ITPR3: variants seen among roughly 807,000 people sequenced by gnomAD.
ITPR3 encodes inositol 1,4,5-trisphosphate receptor type 3, also known as inositol 1,4,5-trisphosphate-gated calcium channel ITPR3.
A neutral mutation model predicts 293.2 loss-of-function variants in ITPR3; 173 were observed. The ratio of observed to expected loss-of-function variants is 0.59; its 90% CI spans 0.52 to 0.67. ITPR3 has a LOEUF of 0.67. ITPR3 is among the 30% of genes least tolerant of loss of function. The probability of loss-of-function intolerance (pLI) is 0.00; values close to 1 mark genes in which losing one functional copy is unlikely to be tolerated. For missense variants in ITPR3, 2,796 were observed against 3,592.1 expected (o/e 0.78, Z 5.66); for synonymous variants, 1,295 against 1,444.4 (o/e 0.90, Z 2.35).
In ITPR3 at chr6:33,676,103, T is replaced by C. The variant is rs562592864; in HGVS notation, c.3282+247T>C. On this transcript the variant is annotated intron_variant, in intron 25 of 57. Coordinates refer to ENST00000605930, the MANE Select transcript of ITPR3 (RefSeq NM_002224.4). ...TTATATGCACCTATGCTAAATGCTT[T>C]GAATCATGCCTAGCATGCAGACAAC... Among the ~76,000 whole-genome samples, 10 of 152,394 alleles carry C rather than the reference T, an allele frequency of 6.6e-5. No individual in the cohort carries two copies. In the South Asian group the frequency reaches 2.1e-3, roughly 32 times the overall value.
intron 1 of ITPR3, among the ~76,000 whole-genome samples, chr6:33,622,198 G>A (rs1763454194): frequency 6.6e-6 from 1 of 152,116 alleles, no homozygotes; most frequent in Admixed American, 6.5e-5. Context: ...GCTTCAGTAG[G>A]AGTGTCTTCT....
Position 33,675,911 on chromosome 6 carries a change from G to T in ITPR3, c.3282+55G>T. 6.8e-7 allele frequency: 1 copy of T among 1,479,222 alleles called. No individual in the cohort carries two copies. The allele number at this position is 1,479,222 out of a possible 1,614,324, so 91.6% of individuals were successfully genotyped here. On this transcript the variant is annotated intron_variant, in intron 25 of 57. Coordinates refer to ENST00000605930, the MANE Select transcript of ITPR3 (RefSeq NM_002224.4). This position sits in a 1 kb window ranked among gnomAD's most constrained non-coding sequence, Gnocchi z 5.0. ...GCATGAGGCCTGCACCAGGCACGGGGGGACAGTAAACGATGATTGAGGAGC... is the reference window on the plus strand; with the variant it reads ...GCATGAGGCCTGCACCAGGCACGGGTGGACAGTAAACGATGATTGAGGAGC...
intron 1 of ITPR3, among the ~76,000 whole-genome samples, chr6:33,623,662 C>T (rs1156690921): frequency 6.6e-6 from 1 of 152,126 alleles, no homozygotes; most frequent in Non-Finnish European, 1.5e-5. Context: ...CTTATTGCTT[C>T]TTCCCCTGCC....
At chr6:33,676,980 G>A in intron 26 of ITPR3, 35 bp from the exon 27 acceptor site, 1 of 1,613,962 alleles carries the variant, frequency 6.2e-7, no homozygotes. Flanking sequence ...GTGAGGGCTG[G>A]GCCTGGCTGA....
In ITPR3 at chr6:33,691,970, C is replaced by G; in HGVS notation, c.7458+42C>G. The G allele has an allele frequency of 6.2e-7, 1 of 1,612,376 alleles. No individual in the cohort carries two copies. Among genetic ancestry groups the G allele is most frequent in the South Asian group, 1.1e-5 (1 of 91,078 alleles). ...ACTCCCAAACCTGTGGGGCCCAAGC[C>G]ACTGTCCAGATCAGCAACTGTGGAG... On this transcript the variant is annotated intron_variant, in intron 54 of 57. Transcript: ENST00000605930. The surrounding 1 kb of genome is among the most constrained non-coding windows in gnomAD (Gnocchi z 4.9).
Position 33,663,559 on chromosome 6 carries a change from C to G in ITPR3, c.1005+9C>G. On this transcript the variant is annotated intron_variant, in intron 10 of 57. Transcript: ENST00000605930. ...CCAAGGCAGCAGGAATGGTGAGGAG[C>G]AAAGCAGGTCTCCAGTGAGACCATG... 1 of 1,603,910 alleles carries G rather than the reference C, an allele frequency of 6.2e-7. No individual in the cohort carries two copies. The highest frequency in any genetic ancestry group is 8.5e-7 in the Non-Finnish European group (1 of 1,174,848).
chr6:33,690,622 T>C (rs939916183), intron 51 of ITPR3, among the ~76,000 whole-genome samples: 7 of 152,330 alleles, frequency 4.6e-5, no homozygotes, highest in Admixed American at 6.5e-5. Context: ...CTTACACTGT[T>C]TCCTGGCATG....
At chr6:33,668,202 A>G (rs1234630697) in intron 16 of ITPR3, among the ~76,000 whole-genome samples, 1 of 152,190 alleles carries the variant, frequency 6.6e-6, no homozygotes, top group African/African-American at 2.4e-5. Context: ...GAGGCCCCCA[A>G]GACCTTCTCC....
rs1413029712 is a variant in ITPR3 at position 33,621,465 on chromosome 6, C to T, written c.-138C>T. On this transcript the variant is annotated 5_prime_UTR_variant, in exon 1 of 58. Transcript: ENST00000605930. The surrounding 1 kb of genome is among the most constrained non-coding windows in gnomAD (Gnocchi z 7.7). The stretch of plus-strand genomic sequence containing the variant: ...CCTGGCTCCCGTGGCCGCCAGCCCG[C>T]CCCGGCCGCACCGAGCGTCGGGATC... 1 of 558,930 alleles carries T rather than the reference C, an allele frequency of 1.8e-6. No homozygotes were observed. Among genetic ancestry groups the T allele is most frequent in the Non-Finnish European group, 3.0e-6 (1 of 329,202 alleles). The allele number at this position is 558,930 out of a possible 1,614,324, so 34.6% of individuals were successfully genotyped here.
In ITPR3 at chr6:33,691,497, G is replaced by C. The variant is rs573096688; in HGVS notation, c.7226-118G>C. The C allele has an allele frequency of 1.6e-4, 131 of 810,682 alleles. 1 individual carries two copies. The Middle Eastern group carries it at 4.5e-3, about 28-fold the overall frequency. The allele number at this position is 810,682 out of a possible 1,614,324, so 50.2% of individuals were successfully genotyped here. On this transcript the variant is annotated intron_variant, in intron 52 of 57. Transcript: ENST00000605930. The surrounding 1 kb of genome is among the most constrained non-coding windows in gnomAD (Gnocchi z 4.9). Reference sequence around the variant, plus strand: ...TGACCCTTCACTGTGGCTGGACAGTGGAGGGCTGGCGATCCAGGACCAGGG... The same window carrying C: ...TGACCCTTCACTGTGGCTGGACAGTCGAGGGCTGGCGATCCAGGACCAGGG...
chr6:33,688,895 C>T, intron 49 of ITPR3, 114 bp downstream of exon 49: 6 of 1,374,622 alleles, frequency 4.4e-6, no homozygotes, highest in Non-Finnish European at 5.1e-6. Context: ...GCAGAGTGTG[C>T]AGAAGCACCC....
At position 33,687,038 on chromosome 6, in the gene ITPR3, G is replaced by C; in HGVS notation, c.6009G>C (p.Leu2003=). The part of the protein sequence containing the change: ...KDNASKLLLA[L]MESRHDSENA... ...ATGCCTCCAAGCTGCTCCTGGCTCT[G>C]ATGGAGAGCCGGCATGACAGTGAAA... Residue 2003 remains leucine, a synonymous_variant, in exon 44 of 58, where the codon CTG becomes CTC. Transcript: ENST00000605930. This position sits in a 1 kb window ranked among gnomAD's most constrained non-coding sequence, Gnocchi z 5.3. 6.2e-7 allele frequency: 1 copy of C among 1,614,018 alleles called. No individual in the cohort carries two copies. The highest frequency in any genetic ancestry group is 8.5e-7 in the Non-Finnish European group (1 of 1,179,978).
intron 43 of ITPR3, among the ~76,000 whole-genome samples, 177 bp downstream of exon 43, chr6:33,686,696 C>T (rs749548958): frequency 3.3e-5 from 5 of 152,122 alleles, no homozygotes; most frequent in Admixed American, 1.3e-4. Flanking sequence ...GTGTAATATA[C>T]GCATGTTTAA....
At chr6:33,660,344 G>A (rs1185071448) in intron 7 of ITPR3, among the ~76,000 whole-genome samples, 2 of 151,950 alleles carry the variant, frequency 1.3e-5, no homozygotes, top group Non-Finnish European at 2.9e-5. Context: ...AGTCTTAGGT[G>A]CTCCTCCCTG....
chr6:33,677,490 C>T lies in ITPR3; in HGVS notation c.3523-14C>T, dbSNP rs765349734. The stretch of plus-strand genomic sequence containing the variant: ...AGTAGGGAAGGGGCTCTGGCTCACC[C>T]GCCTCCCCTGCAGATCCTGGAAAGG... On this transcript the variant is annotated splice_polypyrimidine_tract_variant and intron_variant, in intron 27 of 57. Coordinates refer to ENST00000605930, the MANE Select transcript of ITPR3 (RefSeq NM_002224.4). 1.1e-5 allele frequency: 18 copies of T among 1,613,302 alleles called. No homozygotes were observed. The highest frequency in any genetic ancestry group is 1.7e-4 in the Middle Eastern group (1 of 6,052).
At chr6:33,662,011 A>AAAAAAAAAC (rs1764484296) in intron 7 of ITPR3, among the ~76,000 whole-genome samples, 1 of 150,510 alleles carries the variant, frequency 6.6e-6, no homozygotes, top group African/African-American at 2.4e-5. Context: ...AAAAAAAAAA[A>AAAAAAAAAC]AAAAAAGACA....
chr6:33,658,915 A>G lies in ITPR3; in HGVS notation c.528+87A>G, dbSNP rs1056840635. On this transcript the variant is annotated intron_variant, in intron 5 of 57. Transcript: ENST00000605930. This position sits in a 1 kb window ranked among gnomAD's most constrained non-coding sequence, Gnocchi z 6.1. Reference sequence around the variant, plus strand: ...TTCGGTGTGGGGACTGGATAAGGGCATGCCCATTTCTTAGAAGGGCAGACT... The same window carrying G: ...TTCGGTGTGGGGACTGGATAAGGGCGTGCCCATTTCTTAGAAGGGCAGACT... The G allele has an allele frequency of 6.3e-7, 1 of 1,598,648 alleles. No homozygotes were observed. The highest frequency in any genetic ancestry group is 8.6e-7 in the Non-Finnish European group (1 of 1,168,416).
chr6:33,679,908 C>T lies in ITPR3; in HGVS notation c.3999C>T (p.Val1333=), dbSNP rs142879256. Residue 1333 remains valine (V), a synonymous_variant, in exon 31 of 58, where the codon GTC becomes GTT. Transcript: ENST00000605930. This position sits in a 1 kb window ranked among gnomAD's most constrained non-coding sequence, Gnocchi z 4.2. ...TELTNAGDDV[V]VFYNDKASLA... ...TGACCAATGCAGGTGACGATGTGGT[C>T]GTGTTCTACAATGATAAGGCATCGC... The T allele has an allele frequency of 1.4e-5, 23 of 1,613,410 alleles. No homozygotes were observed. The highest frequency in any genetic ancestry group is 4.5e-5 in the East Asian group (2 of 44,868).
At position 33,688,388 on chromosome 6, in the gene ITPR3, C is replaced by G; in HGVS notation, c.6525C>G (p.Ser2175=). ...AAGTGAGCGACTTCTTCGACCAGTC[C>G]TCCTTCCTGCACAACGAGATGGAGT... ...GSKVSDFFDQ[S]SFLHNEMEWQ... Residue 2175 remains serine, a synonymous_variant, in exon 48 of 58, where the codon TCC becomes TCG. Coordinates refer to ENST00000605930, the MANE Select transcript of ITPR3 (RefSeq NM_002224.4). 6.2e-7 allele frequency: 1 copy of G among 1,609,086 alleles called. No homozygotes were observed. Among genetic ancestry groups the G allele is most frequent in the African/African-American group, 1.3e-5 (1 of 74,628 alleles).
Sources: gnomAD v4.1 joint callset for allele counts (sites outside exome capture counted in the v4.1 genomes callset) on GRCh38, gnomAD v4.1.1 for gene constraint, Gnocchi (gnomAD v3.1) non-coding constraint, MANE v1.5 for transcripts, NCBI Gene and HGNC (gene_info 2026-07-23, HGNC 2026-07-21) for gene names.